The following DNAH14 variants were observed in gnomAD, a reference collection of about 807,000 sequenced individuals.
DNAH14 encodes dynein axonemal heavy chain 14.
In DNAH14, 478 loss-of-function variants were observed where a neutral mutation model predicts 520.9. That is an observed-to-expected ratio of 0.92 (90% confidence interval 0.85 to 0.99). The LOEUF (loss-of-function observed/expected upper bound fraction) is 0.99. Among genes scored for constraint, DNAH14 ranks in the 50% least tolerant of loss-of-function variants. The probability of loss-of-function intolerance (pLI) is 0.00; values close to 1 mark genes in which losing one functional copy is unlikely to be tolerated. For synonymous variants in DNAH14, 1,581 were observed against 1,757.2 expected, an observed-to-expected ratio of 0.90 and a Z score of 2.51; for missense variants, 4,831 against 5,234.5, an observed-to-expected ratio of 0.92 and a Z score of 2.38.
chr1:225,061,114 G>A (rs2070014523), intron 17 of DNAH14, among the ~76,000 whole-genome samples: 1 of 152,204 alleles, frequency 6.6e-6, no homozygotes, highest in Admixed American at 6.5e-5. Context: ...CCCCAGAGGT[G>A]GAGTCTACAG....
chr1:225,245,690 G>A (rs2092239400), intron 43 of DNAH14, among the ~76,000 whole-genome samples: 1 of 152,104 alleles, frequency 6.6e-6, no homozygotes, highest in Non-Finnish European at 1.5e-5. Context: ...ACCTCTTCAA[G>A]GAGAACTACA....
At chr1:225,122,703 G>A (rs2077395307) in intron 26 of DNAH14, among the ~76,000 whole-genome samples, 1 of 152,138 alleles carries the variant, frequency 6.6e-6, no homozygotes, top group South Asian at 2.1e-4. Flanking sequence ...GTAGTTGATG[G>A]AAGAGACATT....
At position 224,991,454 on chromosome 1, in the gene DNAH14, GGCCT is replaced by G. The variant is rs1175056629; in HGVS notation, c.831-11328_831-11325del. 7.9e-5 allele frequency among the ~76,000 whole-genome samples: 12 copies of G among 151,412 alleles called. No homozygotes were observed. In the East Asian group the frequency reaches 2.3e-3, roughly 30 times the overall value. ...TCTTCTTTTGAGAAATGTCTATTCA[GGCCT>G]TTGGCCCATTTTCTAATTGGGTTGT... On this transcript the variant is annotated intron_variant, in intron 8 of 85. Transcript: ENST00000682510.
intron 38 of DNAH14, among the ~76,000 whole-genome samples, chr1:225,199,522 T>G (rs1214034824): frequency 6.6e-6 from 1 of 152,194 alleles, no homozygotes; most frequent in Non-Finnish European, 1.5e-5. Context: ...TCCCAGAGGT[T>G]TCAATAGGTT....
intron 22 of DNAH14, 21 bp from the exon 23 acceptor site, chr1:225,100,692 C>A: frequency 6.8e-7 from 1 of 1,460,534 alleles, no homozygotes; most frequent in Non-Finnish European, 9.0e-7. Context: ...AATAAAATGA[C>A]ATCTAATTTT....
intron 31 of DNAH14, among the ~76,000 whole-genome samples, chr1:225,149,274 A>G (rs895507786): frequency 5.3e-5 from 8 of 152,042 alleles, no homozygotes; most frequent in Admixed American, 3.9e-4. Context: ...ATTCTGTTCC[A>G]TTGGTCTATG....
At position 225,173,540 on chromosome 1, in the gene DNAH14, G is replaced by C. The variant is rs1573715722; in HGVS notation, c.5535+5512G>C. On this transcript the variant is annotated intron_variant, in intron 36 of 85. Coordinates refer to ENST00000682510, the MANE Select transcript of DNAH14 (RefSeq NM_001367479.1). Reference sequence around the variant, plus strand: ...ATCATCACTGGCCATCAGAGAAATGGAAATCAAAACCACAATGAGATACCA... The same window carrying C: ...ATCATCACTGGCCATCAGAGAAATGCAAATCAAAACCACAATGAGATACCA... Among the ~76,000 whole-genome samples, 3 of 152,184 alleles carry C rather than the reference G, an allele frequency of 2.0e-5. No individual in the cohort carries two copies. The South Asian group carries it at 6.2e-4, about 32-fold the overall frequency.
At chr1:225,246,532 GA>G (rs1328653104) in intron 43 of DNAH14, among the ~76,000 whole-genome samples, 1 of 151,834 alleles carries the variant, frequency 6.6e-6, no homozygotes, top group Non-Finnish European at 1.5e-5. Context: ...AAATTTACCA[GA>G]AAAAAACAAA....
chr1:225,341,369 C>T (rs2095176437), intron 69 of DNAH14, among the ~76,000 whole-genome samples: 1 of 152,202 alleles, frequency 6.6e-6, no homozygotes, highest in Non-Finnish European at 1.5e-5. Context: ...CGCCTGTAAT[C>T]CCAACACTTT....
At position 225,043,071 on chromosome 1, in the gene DNAH14, G is replaced by A. The variant is rs1361834496; in HGVS notation, c.1725G>A (p.Lys575=). The part of the protein sequence containing the change: ...HSSEELLPKA[K]KSKEISYNLE... ...GTGAAGAATTGCTCCCAAAAGCCAAGAAATCAAAAGAAATTAGTTACAATC... is the reference window on the plus strand; with the variant it reads ...GTGAAGAATTGCTCCCAAAAGCCAAAAAATCAAAAGAAATTAGTTACAATC... The change falls in exon 13 of 86, where the codon AAG becomes AAA. Residue 575 remains lysine (K), a synonymous_variant. Transcript: ENST00000682510. 3 of 1,551,116 alleles carry A rather than the reference G, an allele frequency of 1.9e-6. No homozygotes were observed. In the East Asian group the frequency reaches 7.3e-5, roughly 38 times the overall value.
At chr1:225,184,789 T>C (rs180803365) in intron 36 of DNAH14, among the ~76,000 whole-genome samples, 1 of 148,704 alleles carries the variant, frequency 6.7e-6, no homozygotes, top group Non-Finnish European at 1.5e-5. Context: ...GAAAGAAAAA[T>C]AAAGAAAGAA....
chr1:225,113,117 G>C (rs1474206564), intron 23 of DNAH14, among the ~76,000 whole-genome samples: 1 of 152,008 alleles, frequency 6.6e-6, no homozygotes, highest in African/African-American at 2.4e-5. Context: ...TATCGTTCTT[G>C]GGCAGGCCTT....
intron 84 of DNAH14, among the ~76,000 whole-genome samples, chr1:225,394,760 C>T (rs552987449): frequency 2.0e-5 from 3 of 151,294 alleles, no homozygotes; most frequent in Non-Finnish European, 4.4e-5. Context: ...AGGAGTATTG[C>T]TTGAACTTGG....
intron 10 of DNAH14, among the ~76,000 whole-genome samples, chr1:225,016,359 T>C (rs982115749): frequency 6.6e-6 from 1 of 152,254 alleles, no homozygotes; most frequent in African/African-American, 2.4e-5. Context: ...TTTCTTTCAA[T>C]ATTTTGTATA....
intron 55 of DNAH14, 114 bp from the exon 56 acceptor site, chr1:225,300,755 T>C: frequency 8.9e-7 from 1 of 1,129,562 alleles, no homozygotes; most frequent in South Asian, 1.5e-5. Context: ...AAAAAATCAC[T>C]TAGCCTCAGT....
chr1:225,323,019 T>G (rs1226125105), intron 62 of DNAH14, among the ~76,000 whole-genome samples, 196 bp downstream of exon 62: 1 of 115,142 alleles, frequency 8.7e-6, no homozygotes. Flanking sequence ...AATTTCATTC[T>G]GATTATGGCT....
At chr1:225,138,368 C>A (rs1204058773) in intron 27 of DNAH14, among the ~76,000 whole-genome samples, 1 of 152,244 alleles carries the variant, frequency 6.6e-6, no homozygotes, top group Non-Finnish European at 1.5e-5. Flanking sequence ...CCCTGGTGGA[C>A]TTCAGCCCTC....
chr1:225,388,602 A>G, intron 82 of DNAH14, 111 bp downstream of exon 82: 3 of 607,674 alleles, frequency 4.9e-6, no homozygotes, highest in Non-Finnish European at 8.5e-6. Flanking sequence ...TAATGTGTGA[A>G]TTAAGCAAGG....
At chr1:225,069,859 A>G (rs2071344792) in intron 17 of DNAH14, among the ~76,000 whole-genome samples, 1 of 151,402 alleles carries the variant, frequency 6.6e-6, no homozygotes, top group Non-Finnish European at 1.5e-5. Flanking sequence ...TGGATGATAG[A>G]CTTAATTACT....
Sources: allele counts gnomAD v4.1 joint callset (sites outside exome capture counted in the v4.1 genomes callset), GRCh38; gene constraint gnomAD v4.1.1; transcripts MANE v1.5; gene names NCBI Gene and HGNC (gene_info 2026-07-23, HGNC 2026-07-21).